Variants in LRP1B observed in about 807,000 individuals in gnomAD.
The protein encoded by LRP1B is low-density lipoprotein receptor-related protein 1B.
LRP1B carries 217 observed loss-of-function variants against 556.6 expected under a neutral mutation model. The observed-to-expected ratio is 0.39, with a 90% CI of 0.35 to 0.44. The LOEUF (loss-of-function observed/expected upper bound fraction) is 0.44. Among genes scored for constraint, LRP1B ranks in the 20% least tolerant of loss-of-function variants. LRP1B has a pLI of 1.00. For synonymous variants in LRP1B, 2,047 were observed against 1,865.8 expected, an observed-to-expected ratio of 1.10 and a Z score of -2.50; for missense variants, 5,053 against 5,620.8, an observed-to-expected ratio of 0.90 and a Z score of 3.23.
chr2:141,271,362 T>C (rs1293745062), intron 3 of LRP1B, among the ~76,000 whole-genome samples: 2 of 151,010 alleles, frequency 1.3e-5, no homozygotes, highest in Non-Finnish European at 3.0e-5. Context: ...AAACTTTCTA[T>C]ATTTGATTTT....
At position 141,148,492 on chromosome 2, in the gene LRP1B, G is replaced by C. The variant is rs150061220; in HGVS notation, c.1013+39929C>G. 4.5e-4 allele frequency among the ~76,000 whole-genome samples: 69 copies of C among 152,262 alleles called. 3 individuals carry two copies. The Middle Eastern group carries it at 0.044, about 98-fold the overall frequency. On this transcript the variant is annotated intron_variant, in intron 7 of 90. Transcript: ENST00000389484. ...GGAGAGAATATATACTGTTTCTTCT[G>C]TTCTGGGGCTGGGAGTGGCAGCATG...
chr2:140,767,395 TG>T (rs1344007412), intron 35 of LRP1B, among the ~76,000 whole-genome samples: 1 of 152,018 alleles, frequency 6.6e-6, no homozygotes, highest in African/African-American at 2.4e-5. Context: ...AAAGTTACTT[TG>T]ACATGAAATA....
chr2:141,025,736 T>C (rs967399543), intron 11 of LRP1B, among the ~76,000 whole-genome samples: 2 of 152,096 alleles, frequency 1.3e-5, no homozygotes, highest in Non-Finnish European at 2.9e-5. Context: ...TTTTTTTCTC[T>C]GTCTCTCTAT....
intron 3 of LRP1B, among the ~76,000 whole-genome samples, chr2:141,265,020 C>A (rs1684834950): frequency 1.3e-5 from 2 of 152,134 alleles, no homozygotes; most frequent in South Asian, 4.1e-4. Context: ...CTGTGCTGAG[C>A]CGCTGCTCCT....
rs149948714 is a variant in LRP1B at position 140,883,319 on chromosome 2, C to T, written c.4169+498G>A. ...AAACCTCCTAACAGTCAATATCTCA[C>T]CACTGGACTCCTTCAAGCTTATTTA... On this transcript the variant is annotated intron_variant, in intron 25 of 90. Coordinates refer to ENST00000389484, the MANE Select transcript of LRP1B (RefSeq NM_018557.3). Among the ~76,000 whole-genome samples, 5 of 152,260 alleles carry T rather than the reference C, an allele frequency of 3.3e-5. No individual in the cohort carries two copies. The East Asian group carries it at 7.7e-4, about 24-fold the overall frequency.
chr2:141,883,588 G>C (rs1304368598), intron 1 of LRP1B, among the ~76,000 whole-genome samples: 1 of 152,136 alleles, frequency 6.6e-6, no homozygotes, highest in East Asian at 1.9e-4. Flanking sequence ...GTCAGGTGTA[G>C]TGGCTCATCC....
intron 7 of LRP1B, among the ~76,000 whole-genome samples, chr2:141,064,913 C>T (rs145980117): frequency 6.6e-6 from 1 of 151,762 alleles, no homozygotes; most frequent in African/African-American, 2.4e-5. Flanking sequence ...CATATTTTTC[C>T]AAATCATAAA....
intron 7 of LRP1B, among the ~76,000 whole-genome samples, chr2:141,120,608 C>CAA (rs1369759956): frequency 1.3e-5 from 2 of 151,914 alleles, no homozygotes; most frequent in African/African-American, 2.4e-5. Flanking sequence ...CGAACATTGA[C>CAA]AAATTCATTT....
chr2:141,905,601 G>T (rs185211432), intron 1 of LRP1B, among the ~76,000 whole-genome samples: 2 of 151,874 alleles, frequency 1.3e-5, no homozygotes, highest in East Asian at 3.9e-4. Context: ...TATGGATACT[G>T]ATCAAGAAAG....
intron 1 of LRP1B, among the ~76,000 whole-genome samples, chr2:142,047,820 A>G (rs1704313138): frequency 1.3e-5 from 2 of 152,116 alleles, no homozygotes; most frequent in South Asian, 4.2e-4. Flanking sequence ...TGCCAAGGTC[A>G]TAGGGAAAGG....
At chr2:142,064,972 A>G (rs1214560780) in intron 1 of LRP1B, among the ~76,000 whole-genome samples, 1 of 131,318 alleles carries the variant, frequency 7.6e-6, no homozygotes, top group African/African-American at 2.7e-5. Context: ...CTTTGTCTTA[A>G]TATAGAGGAG....
At chr2:140,568,256 C>A in intron 43 of LRP1B, among the ~76,000 whole-genome samples, 1 of 142,770 alleles carries the variant, frequency 7.0e-6, no homozygotes, top group Non-Finnish European at 1.5e-5. Flanking sequence ...AGGAAAAATA[C>A]CAAATGGATT....
Position 141,273,014 on chromosome 2 carries a change from A to C in LRP1B, c.344-18373T>G, listed in dbSNP as rs74736827. Among the ~76,000 whole-genome samples the C allele has an allele frequency of 7.8e-3, 1,183 of 152,294 alleles. 14 individuals carry two copies. Among genetic ancestry groups the C allele is most frequent in the Middle Eastern group, 0.02 (6 of 294 alleles). On this transcript the variant is annotated intron_variant, in intron 3 of 90. Coordinates refer to ENST00000389484, the MANE Select transcript of LRP1B (RefSeq NM_018557.3). The stretch of plus-strand genomic sequence containing the variant: ...CTTGTCCAACAATAGCAGAATACCT[A>C]TTGCAACACTTATGCCAGGCGGGGT...
intron 2 of LRP1B, among the ~76,000 whole-genome samples, chr2:141,516,783 C>T (rs1219913917): frequency 1.0e-4 from 15 of 150,722 alleles, no homozygotes; most frequent in African/African-American, 2.7e-4. Context: ...CTGCAACCTC[C>T]GCCTCCCAGG....
rs1020524216 is a variant in LRP1B, at chr2:140,279,759, T to C, written c.12968-5161A>G. 2.6e-5 allele frequency among the ~76,000 whole-genome samples: 4 copies of C among 151,934 alleles called. No homozygotes were observed. In the Admixed American group the frequency reaches 2.6e-4, roughly 10 times the overall value. On this transcript the variant is annotated intron_variant, in intron 84 of 90. Transcript: ENST00000389484. ...TTCTAAAGGTTACTTTACTGATCTA[T>C]AAGCTCTGAAGAAAAATAGAGAAAC...
chr2:141,322,026 T>A (rs180817240), intron 3 of LRP1B, among the ~76,000 whole-genome samples: 1 of 152,086 alleles, frequency 6.6e-6, no homozygotes, highest in Admixed American at 6.6e-5. Flanking sequence ...CAGGAGGCAA[T>A]GGCCCCTTCT....
At chr2:141,494,895 C>T (rs1370806433) in intron 2 of LRP1B, among the ~76,000 whole-genome samples, 1 of 151,238 alleles carries the variant, frequency 6.6e-6, no homozygotes, top group East Asian at 1.9e-4. Flanking sequence ...CACTAAACTA[C>T]TAAATAGCTT....
chr2:140,788,736 C>G (rs1346517539), intron 32 of LRP1B, among the ~76,000 whole-genome samples: 1 of 152,186 alleles, frequency 6.6e-6, no homozygotes, highest in African/African-American at 2.4e-5. Flanking sequence ...TGATAACCCT[C>G]CCTGTTAAAG....
intron 2 of LRP1B, among the ~76,000 whole-genome samples, chr2:141,801,006 C>T (rs757345487): frequency 2.6e-5 from 4 of 152,064 alleles, no homozygotes; most frequent in Non-Finnish European, 4.4e-5. Flanking sequence ...AATTGCCTAA[C>T]GTGCACATTT....
Sources: allele counts gnomAD v4.1 joint callset (sites outside exome capture counted in the v4.1 genomes callset), GRCh38; gene constraint gnomAD v4.1.1; transcripts MANE v1.5; gene names NCBI Gene and HGNC (gene_info 2026-07-23, HGNC 2026-07-21).